UNC5D: variants seen among roughly 807,000 people sequenced by gnomAD.
The protein encoded by UNC5D is netrin receptor UNC5D.
UNC5D carries 39 observed loss-of-function variants against 105.4 expected under a neutral mutation model. The observed-to-expected ratio is 0.37, with a 90% CI of 0.29 to 0.48. The LOEUF is 0.48. Among genes scored for constraint, UNC5D ranks in the 20% least tolerant of loss-of-function variants. The probability of loss-of-function intolerance (pLI) is 0.98; values close to 1 mark genes in which losing one functional copy is unlikely to be tolerated. For missense variants in UNC5D, 991 were observed against 1,202.4 expected, an observed-to-expected ratio of 0.82 and a Z score of 2.60; for synonymous variants, 452 against 450.4, an observed-to-expected ratio of 1.00 and a Z score of -0.04.
In UNC5D at chr8:35,774,326, G is replaced by T; in HGVS notation, c.2506G>T (p.Ala836Ser). 6.2e-7 allele frequency: 1 copy of T among 1,613,956 alleles called. No homozygotes were observed. Among genetic ancestry groups the T allele is most frequent in the East Asian group, 2.2e-5 (1 of 44,856 alleles). The change falls in exon 16 of 17, where the codon GCA (alanine) becomes TCA (serine). Residue 836 changes from alanine (A) to serine (S), a missense_variant. By Grantham distance (99) the Ala-to-Ser change is moderately conservative. This residue lies in a region of UNC5D where 944 missense variants were observed against 1,131.6 expected (regional missense o/e 0.83). Coordinates refer to ENST00000404895, the MANE Select transcript of UNC5D (RefSeq NM_080872.4). ...ESERETITFF[A>S]QEDSTFPAQT... ...TGAACGAGAAACCATCACTTTCTTC[G>T]CACAAGAGGACAGCACTTTCCCTGC...
intron 3 of UNC5D, among the ~76,000 whole-genome samples, chr8:35,568,882 A>C (rs1335971445): frequency 3.3e-5 from 5 of 152,180 alleles, no homozygotes; most frequent in Non-Finnish European, 7.3e-5. Flanking sequence ...TTCAAGGGGC[A>C]CTTATGGGAA....
chr8:35,735,583 T>C (rs1194238038), intron 11 of UNC5D, among the ~76,000 whole-genome samples: 1 of 152,164 alleles, frequency 6.6e-6, no homozygotes, highest in Non-Finnish European at 1.5e-5. Flanking sequence ...CATTATCTTT[T>C]TTAGGGTGCT....
At chr8:35,259,737 G>T (rs1481694836) in intron 1 of UNC5D, among the ~76,000 whole-genome samples, 1 of 151,604 alleles carries the variant, frequency 6.6e-6, no homozygotes, top group Non-Finnish European at 1.5e-5. Flanking sequence ...AGTGCAAAAA[G>T]CTGACTGATC....
intron 14 of UNC5D, 33 bp from the exon 15 acceptor site, chr8:35,766,869 G>C (rs1327572497): frequency 5.7e-6 from 9 of 1,590,896 alleles, no homozygotes; most frequent in Non-Finnish European, 5.1e-6. Flanking sequence ...GCCAGGCTCT[G>C]CACACCATCC....
chr8:35,550,381 T>G (rs935701453), intron 2 of UNC5D, among the ~76,000 whole-genome samples: 1 of 152,332 alleles, frequency 6.6e-6, no homozygotes, highest in Admixed American at 6.5e-5. Context: ...GCTTTTGAAC[T>G]TTGCTTTCTC....
chr8:35,323,321 C>T (rs1351631438), intron 1 of UNC5D, among the ~76,000 whole-genome samples: 1 of 151,236 alleles, frequency 6.6e-6, no homozygotes, highest in Non-Finnish European at 1.5e-5. Flanking sequence ...AAAGGAGTGG[C>T]TACCTAATTG....
At chr8:35,542,116 A>G (rs1462697287) in intron 1 of UNC5D, among the ~76,000 whole-genome samples, 1 of 152,242 alleles carries the variant, frequency 6.6e-6, no homozygotes, top group Non-Finnish European at 1.5e-5. Context: ...CATTTTTATT[A>G]CAGGTTAGGA....
At chr8:35,397,448 C>T (rs1344572194) in intron 1 of UNC5D, among the ~76,000 whole-genome samples, 1 of 152,098 alleles carries the variant, frequency 6.6e-6, no homozygotes, top group Non-Finnish European at 1.5e-5. Context: ...GAACAACAGT[C>T]TGGACTATGT....
At chr8:35,609,878 TA>T (rs1820559240) in intron 4 of UNC5D, among the ~76,000 whole-genome samples, 1 of 152,190 alleles carries the variant, frequency 6.6e-6, no homozygotes, top group Non-Finnish European at 1.5e-5. Flanking sequence ...CTCAGTGGAA[TA>T]GGTGGTTTCC....
chr8:35,475,266 C>T (rs1810004839), intron 1 of UNC5D, among the ~76,000 whole-genome samples: 1 of 152,100 alleles, frequency 6.6e-6, no homozygotes, highest in African/African-American at 2.4e-5. Context: ...CGAAGGAGAG[C>T]CAGGTCTGTG....
chr8:35,310,410 A>C (rs1235471768), intron 1 of UNC5D, among the ~76,000 whole-genome samples: 2 of 152,162 alleles, frequency 1.3e-5, no homozygotes, highest in Non-Finnish European at 2.9e-5. Flanking sequence ...ACTAGAGGTC[A>C]GGAGTTCGAG....
chr8:35,466,435 T>C (rs1487073831), intron 1 of UNC5D, among the ~76,000 whole-genome samples: 1 of 152,204 alleles, frequency 6.6e-6, no homozygotes, highest in Non-Finnish European at 1.5e-5. Context: ...ATATATAATT[T>C]GTCTTTGCAT....
At chr8:35,249,224 C>G (rs896468373) in intron 1 of UNC5D, among the ~76,000 whole-genome samples, 3 of 146,504 alleles carry the variant, frequency 2.0e-5, no homozygotes, top group African/African-American at 7.6e-5. Context: ...CTCAAAAAGC[C>G]ATAAATTTAC....
chr8:35,484,867 T>A (rs984699707), intron 1 of UNC5D, among the ~76,000 whole-genome samples: 1 of 152,214 alleles, frequency 6.6e-6, no homozygotes, highest in Non-Finnish European at 1.5e-5. Context: ...TTAGAATGAA[T>A]GACAAAGTCT....
At chr8:35,297,676 G>A (rs959121454) in intron 1 of UNC5D, among the ~76,000 whole-genome samples, 1 of 152,104 alleles carries the variant, frequency 6.6e-6, no homozygotes, top group African/African-American at 2.4e-5. Flanking sequence ...TGGTGAGGGT[G>A]TGTAGATAAA....
At chr8:35,330,702 C>A (rs137951016) in intron 1 of UNC5D, among the ~76,000 whole-genome samples, 1 of 152,190 alleles carries the variant, frequency 6.6e-6, no homozygotes, top group African/African-American at 2.4e-5. Flanking sequence ...TATGAACGAG[C>A]CTGACTTTGA....
In UNC5D at chr8:35,695,081, T is replaced by C. The variant is rs561686291; in HGVS notation, c.1084+8372T>C. On this transcript the variant is annotated intron_variant, in intron 7 of 16. Transcript: ENST00000404895. Reference sequence around the variant, plus strand: ...GACATTATTTATACATTCATTACATTCTTTATACAAACTATTTTTGAGCAG... The same window carrying C: ...GACATTATTTATACATTCATTACATCCTTTATACAAACTATTTTTGAGCAG... Among the ~76,000 whole-genome samples, 11 of 152,302 alleles carry C rather than the reference T, an allele frequency of 7.2e-5. No individual in the cohort carries two copies. In the South Asian group the frequency reaches 2.3e-3, roughly 32 times the overall value.
intron 1 of UNC5D, among the ~76,000 whole-genome samples, chr8:35,344,694 A>G (rs962653803): frequency 2.0e-5 from 3 of 152,106 alleles, no homozygotes; most frequent in African/African-American, 7.2e-5. Flanking sequence ...GAGGTTTACT[A>G]CACTGAATCT....
chr8:35,728,095 A>AAAAAAAT (rs34672872), intron 10 of UNC5D, among the ~76,000 whole-genome samples: 51 of 110,352 alleles, frequency 4.6e-4, no homozygotes, highest in African/African-American at 2.2e-3. Context: ...AAAAAAAAAA[A>AAAAAAAT]ATATATATAT....
Sources: allele counts gnomAD v4.1 joint callset (sites outside exome capture counted in the v4.1 genomes callset), GRCh38; gene constraint gnomAD v4.1.1; regional missense constraint gnomAD v4.1.1; transcripts MANE v1.5; gene names NCBI Gene and HGNC (gene_info 2026-07-23, HGNC 2026-07-21).